IRAK2: variants seen among roughly 807,000 people sequenced by gnomAD.
IRAK2 encodes the protein interleukin-1 receptor-associated kinase-like 2.
A neutral mutation model predicts 72.0 loss-of-function variants in IRAK2; 57 were observed. The ratio of observed to expected loss-of-function variants is 0.79; its 90% CI spans 0.64 to 0.99. The LOEUF is 0.99. IRAK2 is among the 50% of genes least tolerant of loss of function. The pLI is 0.00. For synonymous variants in IRAK2, 293 were observed against 312.7 expected, an observed-to-expected ratio of 0.94 and a Z score of 0.67; for missense variants, 790 against 794.4, an observed-to-expected ratio of 0.99 and a Z score of 0.07.
chr3:10,239,706 G>A (rs918750613), intron 12 of IRAK2, among the ~76,000 whole-genome samples: 2 of 151,866 alleles, frequency 1.3e-5, no homozygotes, highest in Non-Finnish European at 2.9e-5. Flanking sequence ...CAGCCTGGGC[G>A]ACAGAACAAG....
chr3:10,177,892 G>T lies in IRAK2; in HGVS notation c.149G>T (p.Arg50Leu), dbSNP rs375209770. Reference protein sequence around the residue: ...TQLRKIKSMERVQGVSITREL... With the variant: ...TQLRKIKSMELVQGVSITREL... Reference sequence around the variant, plus strand: ...CTGCGGAAGATCAAGTCCATGGAGCGGGTGCAGGGTGTGAGCATCACGCGG... The same window carrying T: ...CTGCGGAAGATCAAGTCCATGGAGCTGGTGCAGGGTGTGAGCATCACGCGG... Residue 50 changes from arginine to leucine, a missense_variant, in exon 2 of 13, where the codon CGG (arginine) becomes CTG (leucine). By Grantham distance (102) the Arg-to-Leu change is moderately radical. Transcript: ENST00000256458. The T allele has an allele frequency of 1.9e-6, 3 of 1,613,802 alleles. No individual in the cohort carries two copies. The highest frequency in any genetic ancestry group is 1.7e-5 in the Admixed American group (1 of 60,016).
chr3:10,193,609 CA>C (rs1559443825), intron 2 of IRAK2, among the ~76,000 whole-genome samples: 1 of 152,170 alleles, frequency 6.6e-6, no homozygotes, highest in East Asian at 1.9e-4. Context: ...GGTCACAGAG[CA>C]AGACTCTGCC....
intron 1 of IRAK2, among the ~76,000 whole-genome samples, chr3:10,176,475 A>G (rs9860604): frequency 3.6e-5 from 4 of 109,698 alleles, no homozygotes; most frequent in Admixed American, 8.4e-5. Context: ...TACTTTGTTT[A>G]TTTATTTATT....
intron 2 of IRAK2, among the ~76,000 whole-genome samples, chr3:10,190,385 AT>A (rs1341946135): frequency 6.7e-6 from 1 of 150,130 alleles, no homozygotes; most frequent in East Asian, 2.0e-4. Flanking sequence ...GACTCAAGCA[AT>A]TATCCTGCCT....
intron 2 of IRAK2, among the ~76,000 whole-genome samples, chr3:10,192,602 G>A (rs1232843350): frequency 6.6e-6 from 1 of 152,192 alleles, no homozygotes; most frequent in Non-Finnish European, 1.5e-5. Flanking sequence ...GAATTAAATA[G>A]GCCACAGATA....
intron 7 of IRAK2, among the ~76,000 whole-genome samples, chr3:10,219,165 C>G (rs898175841): frequency 2.0e-5 from 3 of 152,150 alleles, no homozygotes; most frequent in African/African-American, 7.2e-5. Context: ...GCACTCCAGT[C>G]TGGGTGACAG....
At chr3:10,241,999 A>AT in intron 12 of IRAK2, 117 bp from the exon 13 acceptor site, 1 of 515,002 alleles carries the variant, frequency 1.9e-6, no homozygotes, top group Non-Finnish European at 3.4e-6. Flanking sequence ...AAAAAAAAAA[A>AT]GAAATGCTCA....
At chr3:10,205,346 T>G (rs1227946910) in intron 3 of IRAK2, among the ~76,000 whole-genome samples, 2 of 152,164 alleles carry the variant, frequency 1.3e-5, no homozygotes, top group Non-Finnish European at 2.9e-5. Context: ...TGGTGGGTCC[T>G]GTCTGATTTT....
chr3:10,206,860 A>G (rs62240063), intron 3 of IRAK2, among the ~76,000 whole-genome samples: 7 of 5,018 alleles, frequency 1.4e-3, no homozygotes, highest in Non-Finnish European at 7.8e-4. Flanking sequence ...TGGCCAAAAC[A>G]AATTTTTTTT....
chr3:10,178,901 C>T (rs1224168641), intron 2 of IRAK2, among the ~76,000 whole-genome samples: 1 of 152,200 alleles, frequency 6.6e-6, no homozygotes, highest in Non-Finnish European at 1.5e-5. Flanking sequence ...GTCCTGGGCT[C>T]AAGTGTCCTC....
intron 12 of IRAK2, among the ~76,000 whole-genome samples, chr3:10,239,692 A>C (rs1698022789): frequency 3.9e-5 from 6 of 151,912 alleles, no homozygotes. Context: ...GTGCCACTGC[A>C]CTGCAGCCTG....
chr3:10,193,768 C>T (rs921969737), intron 2 of IRAK2, among the ~76,000 whole-genome samples: 5 of 152,248 alleles, frequency 3.3e-5, no homozygotes, highest in South Asian at 4.1e-4. Context: ...AGGGAGAACC[C>T]TGGGCTGCCC....
At position 10,200,428 on chromosome 3, in the gene IRAK2, G is replaced by A. The variant is rs1484484612; in HGVS notation, c.337G>A (p.Glu113Lys). 1 of 1,608,902 alleles carries A rather than the reference G, an allele frequency of 6.2e-7. No individual in the cohort carries two copies. Among genetic ancestry groups the A allele is most frequent in the Non-Finnish European group, 8.5e-7 (1 of 1,175,838 alleles). ...AGCCTTCCCTGACTCTGTGAAGCCA[G>A]AAAAGCCTTTGGCAGCTTCTGTAAG... ...IPAFPDSVKP[E>K]KPLAASVRKA... The change falls in exon 3 of 13, where the codon GAA (glutamate) becomes AAA (lysine). Residue 113 changes from glutamate (E) to lysine (K), a missense_variant. Physicochemically the swap from Glu to Lys is moderately conservative, Grantham distance 56. Coordinates refer to ENST00000256458, the MANE Select transcript of IRAK2 (RefSeq NM_001570.4).
intron 12 of IRAK2, among the ~76,000 whole-genome samples, chr3:10,239,916 G>T (rs1404100987): frequency 1.3e-5 from 2 of 151,908 alleles, no homozygotes; most frequent in African/African-American, 4.8e-5. Flanking sequence ...AGAGGCTGGG[G>T]TGGGCAGATC....
chr3:10,204,041 C>G (rs573223258), intron 3 of IRAK2, among the ~76,000 whole-genome samples: 26 of 152,314 alleles, frequency 1.7e-4, no homozygotes, highest in African/African-American at 6.3e-4. Context: ...TGTTACAAAG[C>G]CTTAGCTGTA....
intron 4 of IRAK2, among the ~76,000 whole-genome samples, chr3:10,212,154 A>G (rs1464165130): frequency 6.6e-6 from 1 of 152,006 alleles, no homozygotes; most frequent in African/African-American, 2.4e-5. Flanking sequence ...ACTTCTTTTT[A>G]TAGGCTTATA....
At chr3:10,165,160 C>G (rs186431561) in intron 1 of IRAK2, 112 bp downstream of exon 1, 1 of 861,048 alleles carries the variant, frequency 1.2e-6, no homozygotes, top group Admixed American at 2.3e-5. Context: ...GGTCCCGATC[C>G]GAGGGCGTGC....
At chr3:10,168,060 T>C (rs1202877200) in intron 1 of IRAK2, among the ~76,000 whole-genome samples, 1 of 151,594 alleles carries the variant, frequency 6.6e-6, no homozygotes, top group Non-Finnish European at 1.5e-5. Context: ...CCTTCCCAAA[T>C]TGCTGGGATT....
rs138639711 is a variant in IRAK2 at position 10,237,929 on chromosome 3, CTGTG to C, written c.1474-784_1474-781del. ...GGGTATAAGGGTATGTATGTGTGCT[CTGTG>C]TGTGTGTGTGTGTGTGTGTGTGTGT... On this transcript the variant is annotated intron_variant, in intron 11 of 12. Transcript: ENST00000256458. Among the ~76,000 whole-genome samples the C allele has an allele frequency of 3.8e-3, 519 of 138,314 alleles. 3 individuals carry two copies. The highest frequency in any genetic ancestry group is 5.4e-3 in the Admixed American group (73 of 13,624). 90.7% of individuals were successfully genotyped at this position (138,314 alleles called of 152,430 possible).
Sources: gnomAD v4.1 joint callset for allele counts (sites outside exome capture counted in the v4.1 genomes callset) on GRCh38, gnomAD v4.1.1 for gene constraint, MANE v1.5 for transcripts, NCBI Gene and HGNC (gene_info 2026-07-23, HGNC 2026-07-21) for gene names.